Variants in ULK4 observed in about 807,000 individuals in gnomAD.
ULK4 encodes unc-51 like kinase 4.
In ULK4, 133 loss-of-function variants were observed where a neutral mutation model predicts 160.6. The observed-to-expected ratio is 0.83, with a 90% CI of 0.72 to 0.96. The LOEUF is 0.96. Among genes scored for constraint, ULK4 ranks in the 40% least tolerant of loss-of-function variants. ULK4 has a pLI of 0.00. For synonymous variants in ULK4, 534 were observed against 539.8 expected (o/e 0.99, Z 0.15); for missense variants, 1,580 against 1,499.5 (o/e 1.05, Z -0.89).
intron 17 of ULK4, among the ~76,000 whole-genome samples, chr3:41,848,328 A>C (rs1223744389): frequency 6.6e-6 from 1 of 152,196 alleles, no homozygotes; most frequent in Non-Finnish European, 1.5e-5. Flanking sequence ...AACTTTACAA[A>C]CTTCCTGGAT....
intron 17 of ULK4, among the ~76,000 whole-genome samples, chr3:41,840,440 G>A (rs755157183): frequency 1.3e-5 from 2 of 152,154 alleles, no homozygotes; most frequent in Non-Finnish European, 2.9e-5. Context: ...TACTGCCGTG[G>A]TCTCAGCTCG....
chr3:41,826,233 G>C (rs2041347245), intron 18 of ULK4, among the ~76,000 whole-genome samples: 2 of 152,160 alleles, frequency 1.3e-5, no homozygotes, highest in Non-Finnish European at 2.9e-5. Context: ...ATGGAGGCTA[G>C]GAAGAAACTG....
At chr3:41,262,138 C>T (rs1332199547) in intron 35 of ULK4, among the ~76,000 whole-genome samples, 1 of 152,184 alleles carries the variant, frequency 6.6e-6, no homozygotes, top group Non-Finnish European at 1.5e-5. Flanking sequence ...TGCCCTTTGC[C>T]TCTCCCCATG....
intron 34 of ULK4, among the ~76,000 whole-genome samples, chr3:41,431,638 TAAAC>T (rs760401913): frequency 3.4e-5 from 5 of 148,394 alleles, no homozygotes; most frequent in East Asian, 2.0e-4. Flanking sequence ...CAACCACACT[TAAAC>T]AAACGGGTGT....
chr3:41,895,531 G>A lies in ULK4; in HGVS notation c.1564C>T (p.Pro522Ser). 4 of 1,506,236 alleles carry A rather than the reference G, an allele frequency of 2.7e-6. No homozygotes were observed. Among genetic ancestry groups the A allele is most frequent in the Non-Finnish European group, 3.6e-6 (4 of 1,125,828 alleles). 93.3% of individuals were successfully genotyped at this position (1,506,236 alleles called of 1,614,324 possible). Reference protein sequence around the residue: ...QLLIQHLRIAPNWDIRAKVAH... With the variant: ...QLLIQHLRIASNWDIRAKVAH... ...AACGTTACTTACATATCCCAGTTTG[G>A]AGCTATCCGCAAATGCTGGATTAGC... The change falls in exon 16 of 37, where the codon CCA (proline) becomes TCA (serine). Residue 522 changes from proline (P) to serine (S), a missense_variant. Transcript: ENST00000301831.
At chr3:41,627,619 T>C (rs1212155874) in intron 30 of ULK4, among the ~76,000 whole-genome samples, 1 of 152,234 alleles carries the variant, frequency 6.6e-6, no homozygotes, top group African/African-American at 2.4e-5. Flanking sequence ...CAGTATTTAA[T>C]TTATGATTAA....
intron 5 of ULK4, among the ~76,000 whole-genome samples, chr3:41,920,756 C>T (rs1009964275): frequency 3.3e-5 from 5 of 152,042 alleles, no homozygotes; most frequent in Non-Finnish European, 7.4e-5. Context: ...CCCATTACAG[C>T]GAGATCAGCA....
chr3:41,696,745 G>A (rs1575580958), intron 27 of ULK4, among the ~76,000 whole-genome samples: 1 of 152,060 alleles, frequency 6.6e-6, no homozygotes, highest in African/African-American at 2.4e-5. Flanking sequence ...ATGAGGTTAA[G>A]GATCTTGAGA....
intron 34 of ULK4, among the ~76,000 whole-genome samples, chr3:41,444,502 T>G (rs1481408748): frequency 6.6e-6 from 1 of 152,030 alleles, no homozygotes; most frequent in African/African-American, 2.4e-5. Context: ...CTCACATCAG[T>G]GAGATGTATA....
intron 31 of ULK4, among the ~76,000 whole-genome samples, chr3:41,583,514 T>C (rs1041614696): frequency 6.6e-6 from 1 of 152,214 alleles, no homozygotes; most frequent in African/African-American, 2.4e-5. Context: ...TATACTATAA[T>C]TATAGTCTCA....
intron 18 of ULK4, among the ~76,000 whole-genome samples, chr3:41,828,947 G>A (rs891193309): frequency 2.0e-5 from 3 of 151,362 alleles, no homozygotes; most frequent in Non-Finnish European, 4.4e-5. Context: ...CCAAAACAGA[G>A]ATATAGATCA....
chr3:41,419,860 G>A (rs907319278), intron 34 of ULK4, among the ~76,000 whole-genome samples: 1 of 151,704 alleles, frequency 6.6e-6, no homozygotes, highest in African/African-American at 2.4e-5. Flanking sequence ...CTGAGGCCAG[G>A]GGTGCTGCGG....
intron 35 of ULK4, among the ~76,000 whole-genome samples, chr3:41,272,414 C>T (rs527311381): frequency 2.0e-5 from 3 of 147,680 alleles, no homozygotes; most frequent in African/African-American, 5.1e-5. Flanking sequence ...CCCCTCACCC[C>T]GCTTTCAATA....
At chr3:41,598,768 C>T (rs1222260228) in intron 31 of ULK4, among the ~76,000 whole-genome samples, 1 of 152,006 alleles carries the variant, frequency 6.6e-6, no homozygotes, top group African/African-American at 2.4e-5. Flanking sequence ...ACATGGTAGG[C>T]TTACTATAAA....
intron 35 of ULK4, among the ~76,000 whole-genome samples, chr3:41,263,315 A>G (rs1216068238): frequency 6.6e-6 from 1 of 152,124 alleles, no homozygotes; most frequent in Non-Finnish European, 1.5e-5. Context: ...TTGTGTTGAG[A>G]GTGTTTGTGT....
chr3:41,275,028 T>C (rs2079205625), intron 35 of ULK4, among the ~76,000 whole-genome samples: 1 of 152,216 alleles, frequency 6.6e-6, no homozygotes. Flanking sequence ...GAGGCTAACA[T>C]TCCAATGGGG....
intron 12 of ULK4, among the ~76,000 whole-genome samples, chr3:41,902,848 G>A (rs1018923472): frequency 1.3e-5 from 2 of 152,138 alleles, no homozygotes; most frequent in African/African-American, 4.8e-5. Flanking sequence ...CTATAACAAA[G>A]ATTAAAACAA....
rs1026984567 is a variant in ULK4 at position 41,727,700 on chromosome 3, T to C, written c.2322-9839A>G. On this transcript the variant is annotated intron_variant, in intron 22 of 36. Coordinates refer to ENST00000301831, the MANE Select transcript of ULK4 (RefSeq NM_017886.4). ...CCATGGTAAGAAGCTTGAACTTTAC[T>C]CTCAAGGAGAAAGAGTGGCATGATC... Among the ~76,000 whole-genome samples the C allele has an allele frequency of 3.3e-5, 5 of 152,064 alleles. No homozygotes were observed. In the East Asian group the frequency reaches 9.6e-4, roughly 29 times the overall value.
chr3:41,370,020 G>A (rs1282985427), intron 35 of ULK4, among the ~76,000 whole-genome samples: 1 of 152,032 alleles, frequency 6.6e-6, no homozygotes, highest in Non-Finnish European at 1.5e-5. Context: ...TTATTACAGA[G>A]CCTGGAAATG....
Sources: allele counts gnomAD v4.1 joint callset (sites outside exome capture counted in the v4.1 genomes callset), GRCh38; gene constraint gnomAD v4.1.1; transcripts MANE v1.5; gene names NCBI Gene and HGNC (gene_info 2026-07-23, HGNC 2026-07-21).